Variants in CHRM3 observed in about 807,000 individuals in gnomAD.
CHRM3 encodes cholinergic receptor muscarinic 3.
Under a neutral mutation model 41.8 loss-of-function variants are expected in CHRM3, and 11 were observed. The ratio of observed to expected loss-of-function variants is 0.26; its 90% CI spans 0.17 to 0.44. The LOEUF (loss-of-function observed/expected upper bound fraction) is 0.44. CHRM3 is among the 20% of genes least tolerant of loss of function. The pLI is 1.00. For missense variants in CHRM3, 571 were observed against 745.4 expected, an observed-to-expected ratio of 0.77 and a Z score of 2.72; for synonymous variants, 297 against 301.4, an observed-to-expected ratio of 0.99 and a Z score of 0.15.
intron 3 of CHRM3, among the ~76,000 whole-genome samples, chr1:239,593,526 A>G (rs972325719): frequency 6.6e-6 from 1 of 152,182 alleles, no homozygotes; most frequent in East Asian, 1.9e-4. Context: ...TCTGAGATCA[A>G]TGCTGTGATC....
chr1:239,637,727 G>T (rs35541764), intron 4 of CHRM3, among the ~76,000 whole-genome samples: 1 of 142,256 alleles, frequency 7.0e-6, no homozygotes, highest in Admixed American at 7.0e-5. Context: ...TTTTTTTTGG[G>T]GAATTTGTAT....
Position 239,662,893 on chromosome 1 carries a change from C to CTCCTCTTCTTCTTCTTCTTCTTCTTCT in CHRM3, c.-249-15291_-249-15290insCTCTTCTTCTTCTTCTTCTTCTTCTTC, listed in dbSNP as rs377732277. 4.8e-3 allele frequency among the ~76,000 whole-genome samples: 221 copies of CTCCTCTTCTTCTTCTTCTTCTTCTTCT among 46,374 alleles called. 7 individuals carry two copies. The highest frequency in any genetic ancestry group is 8.9e-3 in the Admixed American group (34 of 3,826). 30.4% of individuals were successfully genotyped at this position (46,374 alleles called of 152,430 possible). A position where few individuals can be genotyped will look rare whatever the true frequency, so the allele number is the denominator to read the frequency against. On this transcript the variant is annotated intron_variant, in intron 4 of 6. Transcript: ENST00000676153. ...TCTCCTCTTTCTCCTCTTCCTCCTC[C>CTCCTCTTCTTCTTCTTCTTCTTCTTCT]TCTTCTTCTTCTTCTTCTTCTTCTT...
chr1:239,746,361 C>G (rs953694000), intron 5 of CHRM3, among the ~76,000 whole-genome samples: 3 of 152,150 alleles, frequency 2.0e-5, no homozygotes, highest in Non-Finnish European at 4.4e-5. Flanking sequence ...CTCTGTGATA[C>G]AGGTGTAATG....
chr1:239,395,690 T>C (rs947857782), intron 1 of CHRM3, among the ~76,000 whole-genome samples: 2 of 152,230 alleles, frequency 1.3e-5, no homozygotes, highest in African/African-American at 4.8e-5. Flanking sequence ...CTTCAGGTGA[T>C]GCAGATACTG....
intron 6 of CHRM3, among the ~76,000 whole-genome samples, chr1:239,893,267 T>C (rs568084977): frequency 1.3e-5 from 2 of 152,342 alleles, no homozygotes; most frequent in East Asian, 3.9e-4. Context: ...ATCTAACAAA[T>C]ATTTACTTAG....
At chr1:239,749,455 C>A (rs777463456) in intron 5 of CHRM3, among the ~76,000 whole-genome samples, 3 of 151,972 alleles carry the variant, frequency 2.0e-5, no homozygotes, top group Non-Finnish European at 2.9e-5. Flanking sequence ...GATCACCTGA[C>A]GTCAGGAGTT....
At chr1:239,755,352 T>G (rs1220844156) in intron 5 of CHRM3, among the ~76,000 whole-genome samples, 1 of 152,226 alleles carries the variant, frequency 6.6e-6, no homozygotes, top group Non-Finnish European at 1.5e-5. Context: ...GTGAGTTAAC[T>G]GTAAACCTCA....
At chr1:239,568,750 C>T (rs984551533) in intron 3 of CHRM3, among the ~76,000 whole-genome samples, 2 of 152,128 alleles carry the variant, frequency 1.3e-5, no homozygotes, top group Non-Finnish European at 1.5e-5. Context: ...CCAGGACCCA[C>T]AAAAGGGCAG....
intron 6 of CHRM3, among the ~76,000 whole-genome samples, chr1:239,841,448 A>C (rs1673790991): frequency 6.6e-6 from 1 of 152,184 alleles, no homozygotes; most frequent in Non-Finnish European, 1.5e-5. Context: ...CGCAACTTTC[A>C]GCTGTCTCTA....
At chr1:239,606,270 T>G (rs1666235588) in intron 3 of CHRM3, 4 of 148,820 alleles carry the variant, frequency 2.7e-5, no homozygotes, top group African/African-American at 5.0e-5. Context: ...TTCTAGTGTG[T>G]TTTTTTTTGG....
At chr1:239,811,672 T>G (rs1436875099) in intron 5 of CHRM3, among the ~76,000 whole-genome samples, 1 of 152,202 alleles carries the variant, frequency 6.6e-6, no homozygotes, top group Non-Finnish European at 1.5e-5. Context: ...GCCTAACCTT[T>G]AGAAATTAGA....
chr1:239,734,732 T>C (rs1158638197), intron 5 of CHRM3, among the ~76,000 whole-genome samples: 2 of 152,114 alleles, frequency 1.3e-5, no homozygotes, highest in Non-Finnish European at 2.9e-5. Flanking sequence ...TACATTCTTT[T>C]AAGTGTCTTT....
At chr1:239,724,078 A>G (rs1244485580) in intron 5 of CHRM3, among the ~76,000 whole-genome samples, 1 of 151,548 alleles carries the variant, frequency 6.6e-6, no homozygotes, top group Non-Finnish European at 1.5e-5. Context: ...TTTTCCATCC[A>G]AGTCAATATT....
At chr1:239,416,827 G>A (rs1661538513) in intron 1 of CHRM3, among the ~76,000 whole-genome samples, 1 of 152,172 alleles carries the variant, frequency 6.6e-6, no homozygotes, top group Non-Finnish European at 1.5e-5. Flanking sequence ...TAAGTATGAG[G>A]ATGGATAGAA....
chr1:239,505,787 T>C lies in CHRM3; in HGVS notation c.-422+12980T>C, dbSNP rs919555001. ...AAGAAGACAGGAAATTGTGGGAAAG[T>C]TTGGAACTTCCTAGAGACTTGTTGA... On this transcript the variant is annotated intron_variant, in intron 2 of 6. Coordinates refer to ENST00000676153, the MANE Select transcript of CHRM3 (RefSeq NM_001375978.1). 2.0e-5 allele frequency among the ~76,000 whole-genome samples: 3 copies of C among 152,164 alleles called. No individual in the cohort carries two copies. The South Asian group carries it at 6.2e-4, about 32-fold the overall frequency.
chr1:239,450,875 C>T (rs546771532), intron 1 of CHRM3, among the ~76,000 whole-genome samples: 5 of 152,250 alleles, frequency 3.3e-5, no homozygotes, highest in South Asian at 2.1e-4. Context: ...ATTTGAGCAT[C>T]GTCTGTTATA....
At chr1:239,661,429 T>C (rs867482627) in intron 4 of CHRM3, among the ~76,000 whole-genome samples, 1 of 152,240 alleles carries the variant, frequency 6.6e-6, no homozygotes. Context: ...TTTAATGAAA[T>C]AGAATGAAAT....
intron 3 of CHRM3, among the ~76,000 whole-genome samples, chr1:239,556,371 T>C (rs886931460): frequency 3.9e-5 from 6 of 152,184 alleles, no homozygotes; most frequent in African/African-American, 1.4e-4. Flanking sequence ...AAAAATAATG[T>C]AGTCAAATGA....
intron 5 of CHRM3, among the ~76,000 whole-genome samples, chr1:239,709,840 A>T (rs980217348): frequency 3.3e-5 from 5 of 152,212 alleles, no homozygotes; most frequent in Non-Finnish European, 5.9e-5. Context: ...ACCTTGTTTT[A>T]TCTTTTCTTT....
Sources: allele counts gnomAD v4.1 joint callset (sites outside exome capture counted in the v4.1 genomes callset), GRCh38; gene constraint gnomAD v4.1.1; transcripts MANE v1.5; gene names NCBI Gene and HGNC (gene_info 2026-07-23, HGNC 2026-07-21).